AKAP12: variants seen among roughly 807,000 people sequenced by gnomAD.
AKAP12 encodes A-kinase anchoring protein 12.
In AKAP12, 32 loss-of-function variants were observed where a neutral mutation model predicts 79.9. That is an observed-to-expected ratio of 0.40 (90% CI 0.30 to 0.54). The LOEUF (loss-of-function observed/expected upper bound fraction) is 0.54, where lower values mean the gene tolerates loss of function less well. Ranked by LOEUF, AKAP12 falls within the 20% of genes least tolerant of loss-of-function variation. AKAP12 has a pLI of 0.48. For synonymous variants in AKAP12, 808 were observed against 857.0 expected, an observed-to-expected ratio of 0.94 and a Z score of 1.00; for missense variants, 2,074 against 2,177.0, an observed-to-expected ratio of 0.95 and a Z score of 0.94.
At chr6:151,275,200 T>C (rs1776269583) in intron 2 of AKAP12, among the ~76,000 whole-genome samples, 1 of 152,196 alleles carries the variant, frequency 6.6e-6, no homozygotes, top group Non-Finnish European at 1.5e-5. Context: ...CCAACCACTG[T>C]TTCTGTTCCC....
At chr6:151,320,884 T>C (rs1183712706) in intron 3 of AKAP12, among the ~76,000 whole-genome samples, 2 of 152,228 alleles carry the variant, frequency 1.3e-5, no homozygotes, top group East Asian at 3.8e-4. Context: ...ATTCACATAC[T>C]ATGCAGTTGA....
intron 3 of AKAP12, among the ~76,000 whole-genome samples, chr6:151,321,131 C>T (rs1416706958): frequency 3.9e-5 from 6 of 152,112 alleles, no homozygotes; most frequent in Non-Finnish European, 7.4e-5. Context: ...GGATTACAGG[C>T]GTGCGCCACA....
intron 3 of AKAP12, among the ~76,000 whole-genome samples, chr6:151,339,585 A>G (rs1304021960): frequency 6.6e-6 from 1 of 151,844 alleles, no homozygotes; most frequent in African/African-American, 2.4e-5. Flanking sequence ...GCACTGACAC[A>G]TGGTTATCAC....
chr6:151,332,641 A>G (rs901404584), intron 3 of AKAP12, among the ~76,000 whole-genome samples: 9 of 152,174 alleles, frequency 5.9e-5, no homozygotes, highest in African/African-American at 1.9e-4. Flanking sequence ...TGTATCACAC[A>G]TGGGTATGTG....
At chr6:151,283,121 G>A (rs578201131) in intron 2 of AKAP12, among the ~76,000 whole-genome samples, 1 of 152,296 alleles carries the variant, frequency 6.6e-6, no homozygotes, top group South Asian at 2.1e-4. Context: ...TAATGACGGT[G>A]AGGAGGCACA....
intron 3 of AKAP12, chr6:151,325,064 G>C: frequency 1.0e-6 from 1 of 985,418 alleles, no homozygotes; most frequent in Non-Finnish European, 1.2e-6. Context: ...AAGTGTTGAA[G>C]ACAGCACTTG....
chr6:151,259,483 T>TAC (rs1337961481), intron 2 of AKAP12, among the ~76,000 whole-genome samples: 13 of 61,480 alleles, frequency 2.1e-4, no homozygotes, highest in African/African-American at 9.7e-4. Flanking sequence ...TATATATATA[T>TAC]ACACACACAT....
At chr6:151,325,225 G>A in intron 3 of AKAP12, 2 of 985,396 alleles carry the variant, frequency 2.0e-6, no homozygotes, top group Non-Finnish European at 2.4e-6. Context: ...TGCCAAGAAG[G>A]GAGGTGTTGG....
intron 3 of AKAP12, among the ~76,000 whole-genome samples, chr6:151,337,512 GAAA>G (rs565900855): frequency 9.8e-6 from 1 of 101,844 alleles, no homozygotes. Flanking sequence ...TTTCCGTCTC[GAAA>G]AAAAAAAAAA....
chr6:151,281,136 G>T (rs369652125), intron 2 of AKAP12, among the ~76,000 whole-genome samples: 1 of 152,164 alleles, frequency 6.6e-6, no homozygotes, highest in African/African-American at 2.4e-5. Context: ...GGGCATGTGC[G>T]TGGTGTTCAG....
intron 2 of AKAP12, among the ~76,000 whole-genome samples, chr6:151,241,653 A>T (rs187907693): frequency 4.6e-5 from 7 of 152,246 alleles, no homozygotes; most frequent in Admixed American, 4.6e-4. Context: ...GCATGTGTTC[A>T]TTAGCAAGGC....
At position 151,353,640 on chromosome 6, in the gene AKAP12, A is replaced by G. The variant is rs201929531; in HGVS notation, c.5249A>G (p.Lys1750Arg). The change falls in exon 4 of 5, where the codon AAA becomes AGA. Residue 1750 changes from lysine (K) to arginine (R), a missense_variant. Physicochemically the swap from Lys to Arg is conservative, Grantham distance 26. Coordinates refer to ENST00000402676, the MANE Select transcript of AKAP12 (RefSeq NM_005100.4). Reference sequence around the variant, plus strand: ...CAGGAAGTAGAATTGCAGGAAGGAAAAGTGCACAGTGAATCAGATAAAGCG... The same window carrying G: ...CAGGAAGTAGAATTGCAGGAAGGAAGAGTGCACAGTGAATCAGATAAAGCG... ...DAQEVELQEGKVHSESDKAIT... is the reference protein window; with the variant it reads ...DAQEVELQEGRVHSESDKAIT... 5.5e-5 allele frequency: 88 copies of G among 1,614,038 alleles called. No homozygotes were observed. Among genetic ancestry groups the G allele is most frequent in the African/African-American group, 2.0e-4 (15 of 74,914 alleles).
chr6:151,244,162 A>G (rs1270333800), intron 2 of AKAP12, among the ~76,000 whole-genome samples: 3 of 152,150 alleles, frequency 2.0e-5, no homozygotes, highest in Non-Finnish European at 4.4e-5. Flanking sequence ...AAACATAAAG[A>G]TGTACTCGAA....
At position 151,248,482 on chromosome 6, in the gene AKAP12, G is replaced by A. The variant is rs559179587; in HGVS notation, c.162+7758G>A. Among the ~76,000 whole-genome samples the A allele has an allele frequency of 3.9e-5, 6 of 152,130 alleles. No individual in the cohort carries two copies. In the South Asian group the frequency reaches 1.2e-3, roughly 32 times the overall value. On this transcript the variant is annotated intron_variant, in intron 2 of 4. Transcript: ENST00000402676. ...TTACCTTAAGGGAGGGGAAGGAGTA[G>A]GCGTAAGAGCTGAATAAGGGCCAGG...
chr6:151,355,705 C>CTGAT (rs1344548423), intron 4 of AKAP12, 22 bp from the exon 5 acceptor site: 2 of 152,606 alleles, frequency 1.3e-5, no homozygotes, highest in Non-Finnish European at 2.9e-5. Flanking sequence ...TTTATTTACG[C>CTGAT]TGATTCTTCC....
intron 3 of AKAP12, among the ~76,000 whole-genome samples, chr6:151,315,712 A>G (rs932428220): frequency 6.6e-6 from 1 of 152,200 alleles, no homozygotes; most frequent in South Asian, 2.1e-4. Context: ...GTCCATTCTC[A>G]CACTGTTATA....
At chr6:151,318,786 T>TA (rs928666071) in intron 3 of AKAP12, among the ~76,000 whole-genome samples, 1 of 151,816 alleles carries the variant, frequency 6.6e-6, no homozygotes, top group Non-Finnish European at 1.5e-5. Flanking sequence ...AAAATAAAAA[T>TA]AAAAAAATTA....
chr6:151,253,698 A>G (rs1050421158), intron 2 of AKAP12, among the ~76,000 whole-genome samples: 1 of 146,310 alleles, frequency 6.8e-6, no homozygotes, highest in African/African-American at 2.5e-5. Context: ...CAATTTTGCT[A>G]TGATGATTTT....
chr6:151,264,148 C>T (rs553697350), intron 2 of AKAP12, among the ~76,000 whole-genome samples: 136 of 152,146 alleles, frequency 8.9e-4, no homozygotes, highest in African/African-American at 2.9e-3. Context: ...GGAGAACATC[C>T]GCTTGGCTGG....
Sources: allele counts gnomAD v4.1 joint callset (sites outside exome capture counted in the v4.1 genomes callset), GRCh38; gene constraint gnomAD v4.1.1; transcripts MANE v1.5; gene names NCBI Gene and HGNC (gene_info 2026-07-23, HGNC 2026-07-21).